THOC7: variants seen among roughly 807,000 people sequenced by gnomAD.
THOC7 encodes the protein THO complex subunit 7.
THOC7 carries 22 observed loss-of-function variants against 33.1 expected under a neutral mutation model. The observed-to-expected ratio is 0.66, with a 90% CI of 0.47 to 0.95. The LOEUF (loss-of-function observed/expected upper bound fraction) is 0.95, where lower values mean the gene tolerates loss of function less well. Among genes scored for constraint, THOC7 ranks in the 40% least tolerant of loss-of-function variants. THOC7 has a pLI of 0.00. For synonymous variants in THOC7, 77 were observed against 76.8 expected (o/e 1.00, Z -0.01); for missense variants, 184 against 245.3 (o/e 0.75, Z 1.67).
chr3:63,834,430 C>A (rs183646322), intron 7 of THOC7, among the ~76,000 whole-genome samples: 101 of 151,676 alleles, frequency 6.7e-4, no homozygotes, highest in Admixed American at 1.4e-3. Flanking sequence ...GAGGCCAAGG[C>A]AGGTGGATCA....
intron 7 of THOC7, 95 bp from the exon 8 acceptor site, chr3:63,834,294 AT>A: frequency 8.2e-7 from 1 of 1,224,096 alleles, no homozygotes; most frequent in Non-Finnish European, 1.2e-6. Context: ...TTATTAGCCA[AT>A]ACAATTAAAG....
intron 1 of THOC7, among the ~76,000 whole-genome samples, chr3:63,841,212 C>G (rs979291393): frequency 1.3e-5 from 2 of 152,070 alleles, no homozygotes; most frequent in Non-Finnish European, 2.9e-5. Context: ...GGAGGCTTTG[C>G]GTGTGTGCAT....
chr3:63,851,325 A>T (rs952815929), intron 1 of THOC7, among the ~76,000 whole-genome samples: 1 of 152,212 alleles, frequency 6.6e-6, no homozygotes, highest in Non-Finnish European at 1.5e-5. Context: ...AGTACTGATG[A>T]CCTAAGTTTT....
intron 1 of THOC7, chr3:63,863,548 G>A: frequency 8.4e-7 from 1 of 1,195,016 alleles, no homozygotes; most frequent in Non-Finnish European, 1.0e-6. Flanking sequence ...GGGGAAAGCC[G>A]AGGGTCTCCG....
At chr3:63,835,431 G>T in intron 5 of THOC7, 41 bp from the exon 6 acceptor site, 1 of 1,585,424 alleles carries the variant, frequency 6.3e-7, no homozygotes, top group Non-Finnish European at 8.6e-7. Context: ...CTGAATGGGG[G>T]AGAAGAGTTT....
intron 1 of THOC7, among the ~76,000 whole-genome samples, chr3:63,845,463 C>T (rs1408950343): frequency 2.0e-5 from 3 of 152,106 alleles, no homozygotes; most frequent in Admixed American, 1.3e-4. Context: ...AGCATATGAC[C>T]AGAGGGAAAT....
intron 1 of THOC7, among the ~76,000 whole-genome samples, chr3:63,846,584 A>T (rs1701902491): frequency 6.6e-6 from 1 of 151,878 alleles, no homozygotes; most frequent in Non-Finnish European, 1.5e-5. Context: ...ATTTTTTTGT[A>T]GTTTTAGTAG....
intron 1 of THOC7, among the ~76,000 whole-genome samples, chr3:63,842,280 G>A (rs1234378909): frequency 6.6e-6 from 1 of 152,158 alleles, no homozygotes; most frequent in Non-Finnish European, 1.5e-5. Context: ...TCACCCCACT[G>A]AGAGAGGCTA....
chr3:63,839,601 G>A, intron 2 of THOC7, 55 bp downstream of exon 2: 2 of 1,445,250 alleles, frequency 1.4e-6, no homozygotes, highest in Admixed American at 1.7e-5. Context: ...CCTTAATATA[G>A]GGCCTAAAAT....
chr3:63,834,273 A>G, intron 7 of THOC7, 74 bp from the exon 8 acceptor site: 1 of 1,435,586 alleles, frequency 7.0e-7, no homozygotes, highest in Non-Finnish European at 9.8e-7. Context: ...ACATGAAAAC[A>G]TGTTTATCCT....
intron 1 of THOC7, chr3:63,846,106 A>C (rs1198757058): frequency 2.7e-6 from 1 of 365,752 alleles, no homozygotes; most frequent in African/African-American, 2.2e-5. Flanking sequence ...TCCCTTACCA[A>C]GGATGGTAAA....
At chr3:63,859,299 T>C (rs1391747108) in intron 1 of THOC7, among the ~76,000 whole-genome samples, 1 of 152,248 alleles carries the variant, frequency 6.6e-6, no homozygotes, top group Non-Finnish European at 1.5e-5. Context: ...CTATCATTTC[T>C]AAATGCCCAC....
At position 63,836,335 on chromosome 3, in the gene THOC7, T is replaced by C; in HGVS notation, c.376A>G (p.Ile126Val). ...TCATGCCTGTCTGGATGGTGCTGAA[T>C]CACTTTTGCCAAAGCATCATATTCT... ...RQEYDALAKV[I>V]QHHPDRHETL... is the part of the protein sequence containing the mutation. Residue 126 changes from isoleucine (I) to valine (V), a missense_variant, in exon 5 of 8, where the codon ATT becomes GTT. By Grantham distance (29) the Ile-to-Val change is conservative (BLOSUM62 3). Around this residue, in one of 3 missense-constraint regions of THOC7, gnomAD observed 157 missense variants for 201.3 expected, o/e 0.78. Coordinates refer to ENST00000295899, the MANE Select transcript of THOC7 (RefSeq NM_025075.4). The C allele has an allele frequency of 6.2e-7, 1 of 1,612,710 alleles. No individual in the cohort carries two copies. The highest frequency in any genetic ancestry group is 8.5e-7 in the Non-Finnish European group (1 of 1,179,136).
chr3:63,854,961 TCCCGC>T (rs1702087175), intron 1 of THOC7, among the ~76,000 whole-genome samples: 2 of 145,224 alleles, frequency 1.4e-5, no homozygotes, highest in Non-Finnish European at 3.0e-5. Context: ...TGAGCCGAGA[TCCCGC>T]CACTGCACTC....
At chr3:63,858,847 T>C (rs1702158042) in intron 1 of THOC7, among the ~76,000 whole-genome samples, 1 of 152,150 alleles carries the variant, frequency 6.6e-6, no homozygotes, top group Admixed American at 6.5e-5. Flanking sequence ...AACATGACAG[T>C]AGTGGTGAAA....
At chr3:63,841,522 G>A (rs1701760142) in intron 1 of THOC7, among the ~76,000 whole-genome samples, 1 of 152,168 alleles carries the variant, frequency 6.6e-6, no homozygotes, top group Non-Finnish European at 1.5e-5. Flanking sequence ...TTGAGCGCAG[G>A]TGCAGCGGAG....
At chr3:63,848,776 T>G (rs1701959128) in intron 1 of THOC7, 1 of 152,242 alleles carries the variant, frequency 6.6e-6, no homozygotes, top group African/African-American at 2.4e-5. Context: ...GGCTTCTTTA[T>G]TTGAAACATT....
chr3:63,835,405 A>G lies in THOC7; in HGVS notation c.411-15T>C. 6.2e-7 allele frequency: 1 copy of G among 1,612,344 alleles called. No homozygotes were observed. The highest frequency in any genetic ancestry group is 8.5e-7 in the Non-Finnish European group (1 of 1,179,224). On this transcript the variant is annotated splice_polypyrimidine_tract_variant and intron_variant, in intron 5 of 7. Transcript: ENST00000295899. ...CCTCTAGTTCCCTGGAAATAATAAA[A>G]CAGTGTTACATTTTGCTGAATGGGG... is the stretch of plus-strand genomic sequence containing the variant.
rs901781619 is a variant in THOC7, at chr3:63,863,470, T to A, written c.19+302A>T. On this transcript the variant is annotated intron_variant, in intron 1 of 7. Coordinates refer to ENST00000295899, the MANE Select transcript of THOC7 (RefSeq NM_025075.4). ...TCTAGCCGTCTCGGCCACCCACGTG[T>A]GTTCCCAGCCCACCGACCACGCTCC... is the stretch of plus-strand genomic sequence containing the variant. 1.4e-5 allele frequency: 16 copies of A among 1,158,544 alleles called. No individual in the cohort carries two copies. The African/African-American group carries it at 1.6e-4, about 12-fold the overall frequency. The allele number at this position is 1,158,544 out of a possible 1,614,324, so 71.8% of individuals were successfully genotyped here.
Sources: gnomAD v4.1 joint callset for allele counts (sites outside exome capture counted in the v4.1 genomes callset) on GRCh38, gnomAD v4.1.1 for gene constraint, gnomAD v4.1.1 regional missense constraint, MANE v1.5 for transcripts, NCBI Gene and HGNC (gene_info 2026-07-23, HGNC 2026-07-21) for gene names.